The following ZCCHC14 variants were observed in gnomAD, a reference collection of about 807,000 sequenced individuals.
ZCCHC14 encodes zinc finger CCHC-type containing 14, also known as zinc finger CCHC domain-containing protein 14.
Under a neutral mutation model 85.0 loss-of-function variants are expected in ZCCHC14, and 16 were observed. The ratio of observed to expected loss-of-function variants is 0.19; its 90% CI spans 0.13 to 0.29. The LOEUF (loss-of-function observed/expected upper bound fraction) is 0.29. Ranked by LOEUF, ZCCHC14 falls within the 10% of genes least tolerant of loss-of-function variation. The pLI is 1.00. For missense variants in ZCCHC14, 1,303 were observed against 1,443.5 expected, an observed-to-expected ratio of 0.90 and a Z score of 1.58; for synonymous variants, 775 against 630.7, an observed-to-expected ratio of 1.23 and a Z score of -3.43.
rs138282555 is a variant in ZCCHC14 at position 87,489,168 on chromosome 16, A to G, written c.570+2501T>C. 3.4e-3 allele frequency among the ~76,000 whole-genome samples: 512 copies of G among 152,330 alleles called. 4 individuals carry two copies. Among genetic ancestry groups the G allele is most frequent in the Middle Eastern group, 0.014 (4 of 294 alleles). ...TAGCTTTGAAGCAGCAACAGAAACG[A>G]AAGTTAAATGAATGGGGCTGAAATT... On this transcript the variant is annotated intron_variant, in intron 1 of 12. Transcript: ENST00000671377.
intron 1 of ZCCHC14, among the ~76,000 whole-genome samples, chr16:87,479,892 G>C (rs1169227707): frequency 6.6e-6 from 1 of 152,004 alleles, no homozygotes; most frequent in Non-Finnish European, 1.5e-5. Flanking sequence ...TCGTGTTAGA[G>C]AGTTCTTCCC....
At chr16:87,418,353 G>C (rs1296056261) in intron 7 of ZCCHC14, among the ~76,000 whole-genome samples, 4 of 152,194 alleles carry the variant, frequency 2.6e-5, no homozygotes, top group African/African-American at 9.7e-5. Context: ...CCGACACCAG[G>C]AGGATGCCAG....
At chr16:87,423,929 T>C in intron 3 of ZCCHC14, 48 bp from the exon 4 acceptor site, 3 of 1,601,246 alleles carry the variant, frequency 1.9e-6, no homozygotes, top group African/African-American at 1.3e-5. Context: ...CACCACATAC[T>C]TGGTTCCCAG....
At chr16:87,469,746 G>A (rs892191596) in intron 1 of ZCCHC14, among the ~76,000 whole-genome samples, 4 of 152,156 alleles carry the variant, frequency 2.6e-5, no homozygotes, top group South Asian at 2.1e-4. Flanking sequence ...GAGGGGCACC[G>A]GCAACTGGGC....
In ZCCHC14 at chr16:87,408,013, C is replaced by G. The variant is rs1306696356; in HGVS notation, c.*2267G>C. On this transcript the variant is annotated 3_prime_UTR_variant, in exon 13 of 13. Coordinates refer to ENST00000671377, the MANE Select transcript of ZCCHC14 (RefSeq NM_015144.3). Reference sequence around the variant, plus strand: ...CGCCGCCCATGCACGTTCAAGACGACTGGCAGCTCCGCAGAGGCCTTCGCT... The same window carrying G: ...CGCCGCCCATGCACGTTCAAGACGAGTGGCAGCTCCGCAGAGGCCTTCGCT... 1.3e-5 allele frequency: 2 copies of G among 152,684 alleles called. No individual in the cohort carries two copies. The highest frequency in any genetic ancestry group is 2.9e-5 in the Non-Finnish European group (2 of 68,058). The allele number at this position is 152,684 out of a possible 1,614,324, so 9.5% of individuals were successfully genotyped here. A position where few individuals can be genotyped will look rare whatever the true frequency, so the allele number is the denominator to read the frequency against.
intron 1 of ZCCHC14, 127 bp from the exon 2 acceptor site, chr16:87,460,258 A>T: frequency 7.9e-7 from 1 of 1,258,740 alleles, no homozygotes; most frequent in Non-Finnish European, 1.1e-6. Flanking sequence ...GTATTATTAT[A>T]ATAATAAGCC....
Position 87,418,837 on chromosome 16 carries a change from G to C in ZCCHC14, c.1100+10C>G. 6.2e-7 allele frequency: 1 copy of C among 1,612,394 alleles called. No individual in the cohort carries two copies. Among genetic ancestry groups the C allele is most frequent in the South Asian group, 1.1e-5 (1 of 90,916 alleles). On this transcript the variant is annotated intron_variant, in intron 7 of 12. Transcript: ENST00000671377. ...TCTGAACTGTGCTGGTTACATAGAA[G>C]ATTTCTCACCTTCCAGACACGCCCA...
chr16:87,442,115 G>A (rs1188499185), intron 2 of ZCCHC14, among the ~76,000 whole-genome samples: 1 of 152,206 alleles, frequency 6.6e-6, no homozygotes, highest in Admixed American at 6.5e-5. Flanking sequence ...AAGCAACCCC[G>A]TGGCGTTGTG....
chr16:87,427,689 G>A (rs1162941480), intron 3 of ZCCHC14, among the ~76,000 whole-genome samples: 21 of 152,132 alleles, frequency 1.4e-4, no homozygotes, highest in Admixed American at 1.4e-3. Context: ...CCAAGTTGGA[G>A]TGCAGTGGCA....
intron 1 of ZCCHC14, among the ~76,000 whole-genome samples, chr16:87,482,740 G>C (rs1912341202): frequency 1.3e-5 from 2 of 152,194 alleles, no homozygotes; most frequent in African/African-American, 2.4e-5. Flanking sequence ...AGGGAGAGCA[G>C]AGACTATTTA....
intron 2 of ZCCHC14, among the ~76,000 whole-genome samples, chr16:87,455,028 T>C (rs1250487487): frequency 5.3e-5 from 8 of 152,130 alleles, no homozygotes; most frequent in Non-Finnish European, 1.2e-4. Flanking sequence ...GTGGCTCACA[T>C]CTGTAATCCC....
intron 3 of ZCCHC14, among the ~76,000 whole-genome samples, chr16:87,427,515 C>A (rs903302531): frequency 5.3e-5 from 8 of 152,246 alleles, no homozygotes; most frequent in Admixed American, 4.6e-4. Flanking sequence ...CGGGTTTAAG[C>A]GATCCTTGTG....
At position 87,412,405 on chromosome 16, in the gene ZCCHC14, C is replaced by T. The variant is rs144993873; in HGVS notation, c.2316G>A (p.Pro772=). The T allele has an allele frequency of 1.1e-5, 17 of 1,614,136 alleles. No individual in the cohort carries two copies. The highest frequency in any genetic ancestry group is 5.5e-5 in the South Asian group (5 of 91,084). ...ATGACGACAGCAGCAGTTTGATGGGCGGACGGGCGGCGTGGAGGACTGTGC... is the reference window on the plus strand; with the variant it reads ...ATGACGACAGCAGCAGTTTGATGGGTGGACGGGCGGCGTGGAGGACTGTGC... ...TPSTVLHAAR[P]PIKLLLSSSV... is the part of the protein sequence containing the mutation. The change falls in exon 12 of 13, where the codon CCG becomes CCA. Residue 772 remains proline (P), a synonymous_variant. Coordinates refer to ENST00000671377, the MANE Select transcript of ZCCHC14 (RefSeq NM_015144.3).
Position 87,412,302 on chromosome 16 carries a change from T to G in ZCCHC14, c.2419A>C (p.Ile807Leu). 6.2e-7 allele frequency: 1 copy of G among 1,613,928 alleles called. No individual in the cohort carries two copies. The highest frequency in any genetic ancestry group is 8.5e-7 in the Non-Finnish European group (1 of 1,180,020). Residue 807 changes from isoleucine to leucine, a missense_variant, in exon 12 of 13, where the codon ATA becomes CTA. Coordinates refer to ENST00000671377, the MANE Select transcript of ZCCHC14 (RefSeq NM_015144.3). ...GTGTACAGAGCAGTCCGGGGGTTTA[T>G]TATTGCAGGGGGCACACTTATTTGC... Reference protein sequence around the residue: ...NVQISVPPAIINPRTALYTAN... With the variant: ...NVQISVPPAILNPRTALYTAN...
chr16:87,416,679 C>G (rs1409268265), intron 8 of ZCCHC14, among the ~76,000 whole-genome samples: 2 of 152,034 alleles, frequency 1.3e-5, no homozygotes, highest in African/African-American at 2.4e-5. Flanking sequence ...TCGCTTGAAC[C>G]CGGGAGGCAG....
intron 2 of ZCCHC14, among the ~76,000 whole-genome samples, chr16:87,437,431 C>T (rs74038772): frequency 0.013 from 1,912 of 152,048 alleles, 48 homozygotes; most frequent in African/African-American, 0.044. Flanking sequence ...AGACAGGATC[C>T]GCGCTGGCCA....
chr16:87,470,942 G>A (rs4843614), intron 1 of ZCCHC14: 2 of 152,012 alleles, frequency 1.3e-5, no homozygotes, highest in Non-Finnish European at 1.5e-5. Context: ...AAAAGTTACA[G>A]ATATTAAGTC....
At chr16:87,443,588 T>C (rs1410939016) in intron 2 of ZCCHC14, among the ~76,000 whole-genome samples, 1 of 151,772 alleles carries the variant, frequency 6.6e-6, no homozygotes, top group Non-Finnish European at 1.5e-5. Context: ...ATTTAAAAAA[T>C]TAGCTGGGTG....
At position 87,409,129 on chromosome 16, in the gene ZCCHC14, C is replaced by A. The variant is rs1908325647; in HGVS notation, c.*1151G>T. On this transcript the variant is annotated 3_prime_UTR_variant, in exon 13 of 13. Coordinates refer to ENST00000671377, the MANE Select transcript of ZCCHC14 (RefSeq NM_015144.3). ...TGTGGCCTCTTCCAGAGTCCTACCA[C>A]TTCCCACTGTTTTCCAAGTAATTTT... 5.9e-5 allele frequency: 9 copies of A among 152,374 alleles called. No homozygotes were observed. In the South Asian group the frequency reaches 1.9e-3, roughly 32 times the overall value. 9.4% of individuals were successfully genotyped at this position (152,374 alleles called of 1,614,324 possible).
Sources: allele counts gnomAD v4.1 joint callset (sites outside exome capture counted in the v4.1 genomes callset), GRCh38; gene constraint gnomAD v4.1.1; transcripts MANE v1.5; gene names NCBI Gene and HGNC (gene_info 2026-07-23, HGNC 2026-07-21).